The following HYDIN variants were observed in gnomAD, a reference collection of about 807,000 sequenced individuals.
HYDIN encodes the protein HYDIN axonemal central pair apparatus protein, also known as axonemal central pair apparatus protein HYDIN.
A neutral mutation model predicts 403.9 loss-of-function variants in HYDIN; 132 were observed. The ratio of observed to expected loss-of-function variants is 0.33; its 90% CI spans 0.28 to 0.38. HYDIN has a LOEUF of 0.38. HYDIN is among the 10% of genes least tolerant of loss of function. HYDIN has a pLI of 1.00. For synonymous variants in HYDIN, 1,202 were observed against 1,891.7 expected, an observed-to-expected ratio of 0.64 and a Z score of 9.46; for missense variants, 2,827 against 5,009.5, an observed-to-expected ratio of 0.56 and a Z score of 13.15.
chr16:70,871,185 C>T (rs1024957525), intron 65 of HYDIN, among the ~76,000 whole-genome samples: 16 of 151,718 alleles, frequency 1.1e-4, no homozygotes, highest in South Asian at 4.2e-4. Flanking sequence ...TGGACCATGA[C>T]GAAACGGAAT....
intron 7 of HYDIN, among the ~76,000 whole-genome samples, chr16:71,137,952 C>T (rs1317853546): frequency 6.6e-6 from 1 of 151,524 alleles, no homozygotes; most frequent in East Asian, 1.9e-4. Context: ...CACACACACC[C>T]CTGACATGTC....
intron 21 of HYDIN, among the ~76,000 whole-genome samples, chr16:71,022,870 A>G (rs1292207560): frequency 6.6e-6 from 1 of 151,724 alleles, no homozygotes. Context: ...AAATTCAAAC[A>G]GTAGACATTT....
intron 10 of HYDIN, among the ~76,000 whole-genome samples, chr16:71,103,627 CT>C (rs2083521558): frequency 7.2e-6 from 1 of 138,308 alleles, no homozygotes; most frequent in Non-Finnish European, 1.6e-5. Context: ...GGAGATTATC[CT>C]GGATTATCTT....
chr16:70,819,342 C>A (rs571031912), intron 83 of HYDIN, among the ~76,000 whole-genome samples: 1 of 152,216 alleles, frequency 6.6e-6, no homozygotes, highest in African/African-American at 2.4e-5. Flanking sequence ...TTAATTCACA[C>A]AATTCGTAGG....
Position 71,175,736 on chromosome 16 carries a change from T to C in HYDIN, c.387A>G (p.Pro129=). ...PLILRNNDKI[P]RLVKVVEESS... Reference sequence around the variant, plus strand: ...TTTCTTCCACAACTTTCACCAACCTTGGAATCTGCAGGGAAACACATGATG... The same window carrying C: ...TTTCTTCCACAACTTTCACCAACCTCGGAATCTGCAGGGAAACACATGATG... Residue 129 remains proline, a synonymous_variant, in exon 5 of 86, where the codon CCA becomes CCG. Coordinates refer to ENST00000393567, the MANE Select transcript of HYDIN (RefSeq NM_001270974.2). The C allele has an allele frequency of 3.1e-6, 5 of 1,614,114 alleles. No homozygotes were observed. In the South Asian group the frequency reaches 4.4e-5, roughly 14 times the overall value.
intron 45 of HYDIN, among the ~76,000 whole-genome samples, chr16:70,922,243 G>C (rs1466021516): frequency 6.6e-6 from 1 of 152,240 alleles, no homozygotes; most frequent in Non-Finnish European, 1.5e-5. Flanking sequence ...ATGTGGGGGA[G>C]GCAGGGACTT....
chr16:70,909,702 T>C (rs1169296772), intron 47 of HYDIN, among the ~76,000 whole-genome samples: 1 of 141,646 alleles, frequency 7.1e-6, no homozygotes, highest in African/African-American at 2.6e-5. Context: ...TTTTTTTTTT[T>C]TTTTTTTTTT....
At position 70,892,538 on chromosome 16, in the gene HYDIN, C is replaced by G. The variant is rs1425280814; in HGVS notation, c.9249-9G>C. On this transcript the variant is annotated splice_polypyrimidine_tract_variant and intron_variant, in intron 55 of 85. Transcript: ENST00000393567. ...CAGAGTCCACGGAAAAGCTGAAAGA[C>G]AAGAATAAGAAGTCAGCCTAGGTCA... 41 of 1,605,666 alleles carry G rather than the reference C, an allele frequency of 2.6e-5. No individual in the cohort carries two copies. The highest frequency in any genetic ancestry group is 3.5e-5 in the Non-Finnish European group (41 of 1,176,406).
chr16:71,015,315 G>GAA (rs1380838929), intron 23 of HYDIN, among the ~76,000 whole-genome samples: 1 of 151,954 alleles, frequency 6.6e-6, no homozygotes, highest in Non-Finnish European at 1.5e-5. Flanking sequence ...TTAAACCAAT[G>GAA]AAAAATTAAG....
chr16:70,888,085 T>A (rs1317332724), intron 58 of HYDIN, among the ~76,000 whole-genome samples: 2 of 152,282 alleles, frequency 1.3e-5, no homozygotes, highest in Non-Finnish European at 2.9e-5. Flanking sequence ...CTCCATTTGC[T>A]TCTTCTCTAC....
intron 1 of HYDIN, among the ~76,000 whole-genome samples, chr16:71,226,565 T>C (rs1052620167): frequency 2.6e-5 from 4 of 152,198 alleles, no homozygotes; most frequent in Admixed American, 6.5e-5. Flanking sequence ...AAGAAAAAAT[T>C]AGTAAGATTA....
chr16:70,851,203 CA>C (rs4028101), intron 73 of HYDIN, among the ~76,000 whole-genome samples: 634 of 22,154 alleles, frequency 0.029, no homozygotes, highest in African/African-American at 0.1. Flanking sequence ...ATCAATCCTG[CA>C]AAAAAAAAAA....
Position 70,970,507 on chromosome 16 carries a change from G to C in HYDIN, c.5619+13C>G. On this transcript the variant is annotated intron_variant, in intron 36 of 85. Coordinates refer to ENST00000393567, the MANE Select transcript of HYDIN (RefSeq NM_001270974.2). ...AACGTGTAGAAAAACAGTTTGGTTT[G>C]ACCTCTGCTCACCTTTTCTTCTATG... 2 of 1,601,556 alleles carry C rather than the reference G, an allele frequency of 1.2e-6. No homozygotes were observed. Among genetic ancestry groups the C allele is most frequent in the Non-Finnish European group, 1.7e-6 (2 of 1,171,660 alleles).
chr16:71,210,252 T>C (rs532545967), intron 1 of HYDIN, among the ~76,000 whole-genome samples: 6 of 152,116 alleles, frequency 3.9e-5, no homozygotes, highest in African/African-American at 1.4e-4. Context: ...AAGACATGGA[T>C]CAACCTAAAT....
chr16:70,818,021 T>G (rs1019557461), intron 84 of HYDIN, among the ~76,000 whole-genome samples: 4 of 152,172 alleles, frequency 2.6e-5, no homozygotes, highest in Admixed American at 1.3e-4. Flanking sequence ...GGATTATAGG[T>G]GTGAGCCACT....
intron 1 of HYDIN, among the ~76,000 whole-genome samples, chr16:71,223,144 G>C (rs2040874452): frequency 6.6e-6 from 1 of 152,138 alleles, no homozygotes; most frequent in African/African-American, 2.4e-5. Flanking sequence ...CAATAGAACA[G>C]AACAGAGTAC....
At chr16:70,844,404 T>A (rs1327275203) in intron 75 of HYDIN, among the ~76,000 whole-genome samples, 2 of 144,768 alleles carry the variant, frequency 1.4e-5, no homozygotes, top group Non-Finnish European at 3.0e-5. Context: ...TTGATCTATA[T>A]CTCTGTTTTG....
At chr16:70,985,055 T>C (rs867364747) in intron 28 of HYDIN, 130 bp downstream of exon 28, 4 of 892,494 alleles carry the variant, frequency 4.5e-6, no homozygotes, top group East Asian at 2.7e-5. Flanking sequence ...ATTTTTTTTT[T>C]CTGCTTCCGA....
intron 23 of HYDIN, among the ~76,000 whole-genome samples, chr16:71,004,761 T>G (rs2079841178): frequency 6.6e-6 from 1 of 152,212 alleles, no homozygotes; most frequent in South Asian, 2.1e-4. Flanking sequence ...TAATATTGTC[T>G]TTTATATTTT....
Sources: gnomAD v4.1 joint callset for allele counts (sites outside exome capture counted in the v4.1 genomes callset) on GRCh38, gnomAD v4.1.1 for gene constraint, MANE v1.5 for transcripts, NCBI Gene and HGNC (gene_info 2026-07-23, HGNC 2026-07-21) for gene names.